RTN1: variants seen among roughly 807,000 people sequenced by gnomAD.
RTN1 encodes the protein reticulon-1.
RTN1 carries 25 observed loss-of-function variants against 65.5 expected under a neutral mutation model. The observed-to-expected ratio is 0.38, with a 90% confidence interval of 0.28 to 0.53. The LOEUF (loss-of-function observed/expected upper bound fraction) is 0.53, where lower values mean the gene tolerates loss of function less well. RTN1 is among the 20% of genes least tolerant of loss of function. RTN1 has a pLI of 0.79. For synonymous variants in RTN1, 471 were observed against 447.6 expected (o/e 1.05, Z -0.66); for missense variants, 983 against 1,025.4 (o/e 0.96, Z 0.57).
intron 1 of RTN1, among the ~76,000 whole-genome samples, chr14:59,817,123 A>G (rs1269026610): frequency 6.6e-6 from 1 of 152,078 alleles, no homozygotes; most frequent in Non-Finnish European, 1.5e-5. Context: ...CTAAGAGCCT[A>G]TGTGTGACTG....
chr14:59,666,126 A>C (rs1054853764), intron 3 of RTN1, among the ~76,000 whole-genome samples: 1 of 152,184 alleles, frequency 6.6e-6, no homozygotes, highest in African/African-American at 2.4e-5. Flanking sequence ...ACTCCAAATC[A>C]ACAGAATATA....
At chr14:59,652,303 A>G (rs1434257278) in intron 3 of RTN1, among the ~76,000 whole-genome samples, 2 of 152,216 alleles carry the variant, frequency 1.3e-5, no homozygotes, top group Non-Finnish European at 2.9e-5. Flanking sequence ...AACAACTACC[A>G]CTTGACCCAG....
chr14:59,746,955 A>G (rs1462722234), intron 1 of RTN1, among the ~76,000 whole-genome samples: 1 of 152,108 alleles, frequency 6.6e-6, no homozygotes, highest in East Asian at 1.9e-4. Flanking sequence ...GGCTGGGAGG[A>G]GCCTCAAAGA....
At chr14:59,767,064 A>T (rs1359106749) in intron 1 of RTN1, among the ~76,000 whole-genome samples, 2 of 152,210 alleles carry the variant, frequency 1.3e-5, no homozygotes, top group Non-Finnish European at 2.9e-5. Flanking sequence ...ATGCAGGCAT[A>T]GCAGAGCCTG....
chr14:59,627,840 A>T (rs1425038226), intron 3 of RTN1, among the ~76,000 whole-genome samples: 2 of 152,238 alleles, frequency 1.3e-5, no homozygotes, highest in African/African-American at 4.8e-5. Flanking sequence ...GTATTTAATA[A>T]CATGAAGAAA....
intron 2 of RTN1, among the ~76,000 whole-genome samples, chr14:59,738,464 A>T (rs1325420183): frequency 6.6e-6 from 1 of 152,208 alleles, no homozygotes; most frequent in East Asian, 1.9e-4. Context: ...ACAATCTTAC[A>T]AAATCAGAAT....
chr14:59,724,924 G>A (rs1420139624), intron 3 of RTN1, among the ~76,000 whole-genome samples: 1 of 152,182 alleles, frequency 6.6e-6, no homozygotes, highest in Admixed American at 6.5e-5. Context: ...CAGTGGAGCA[G>A]TGAGTTTCAG....
At chr14:59,721,389 A>C (rs899424826) in intron 3 of RTN1, among the ~76,000 whole-genome samples, 1 of 152,254 alleles carries the variant, frequency 6.6e-6, no homozygotes, top group African/African-American at 2.4e-5. Context: ...TCTTTAATTT[A>C]AAAGCATGAT....
intron 1 of RTN1, among the ~76,000 whole-genome samples, chr14:59,824,247 C>T (rs1030622920): frequency 2.0e-5 from 3 of 152,198 alleles, no homozygotes; most frequent in African/African-American, 7.2e-5. Context: ...TTCTAATAAA[C>T]ATAAACTTGA....
chr14:59,727,077 A>G lies in RTN1; in HGVS notation c.1607T>C (p.Leu536Pro). The part of the protein sequence containing the change: ...PSTEPQPGPE[L>P]PPGDGALEPE... ...CTCCAGGGCTCCGTCTCCAGGGGGC[A>G]GCTCGGGGCCAGGCTGGGGCTCAGT... is the stretch of plus-strand genomic sequence containing the variant. The change falls in exon 3 of 9, where the codon CTG (leucine) becomes CCG (proline). Residue 536 changes from leucine to proline, a missense_variant. By Grantham distance (98) the Leu-to-Pro change is moderately conservative. This residue lies in a region of RTN1 where 818 missense variants were observed against 801.8 expected (regional missense o/e 1.02). Coordinates refer to ENST00000267484, the MANE Select transcript of RTN1 (RefSeq NM_021136.3). This position sits in a 1 kb window ranked among gnomAD's most constrained non-coding sequence, Gnocchi z 4.2. 1.2e-6 allele frequency: 2 copies of G among 1,612,442 alleles called. No individual in the cohort carries two copies. The highest frequency in any genetic ancestry group is 1.7e-4 in the Middle Eastern group (1 of 6,060).
At chr14:59,733,616 C>A (rs987754925) in intron 2 of RTN1, among the ~76,000 whole-genome samples, 8 of 152,132 alleles carry the variant, frequency 5.3e-5, no homozygotes, top group Admixed American at 5.2e-4. Context: ...TTCCTCACCA[C>A]AACACAGCTA....
intron 3 of RTN1, among the ~76,000 whole-genome samples, chr14:59,672,625 C>CT (rs71111662): frequency 0.013 from 992 of 79,062 alleles, 150 homozygotes; most frequent in African/African-American, 0.022. Flanking sequence ...CAAGATATTT[C>CT]TTTTTTTTTT....
At chr14:59,605,638 T>G (rs1881719278) in intron 4 of RTN1, 132 bp from the exon 5 acceptor site, 1 of 869,190 alleles carries the variant, frequency 1.2e-6, no homozygotes, top group Non-Finnish European at 1.8e-6. Flanking sequence ...TGGGGGGTTA[T>G]GCCAGCCAGT....
At chr14:59,597,592 A>G (rs903094742) in intron 8 of RTN1, among the ~76,000 whole-genome samples, 3 of 152,248 alleles carry the variant, frequency 2.0e-5, no homozygotes, top group Non-Finnish European at 2.9e-5. Flanking sequence ...GCTTGCTCTC[A>G]TGGAGTTTTC....
chr14:59,677,030 G>A lies in RTN1; in HGVS notation c.1765+49889C>T, dbSNP rs145512523. 3.3e-5 allele frequency among the ~76,000 whole-genome samples: 5 copies of A among 152,262 alleles called. No homozygotes were observed. In the East Asian group the frequency reaches 5.8e-4, roughly 18 times the overall value. ...GAGCTCACCCCAAATCTCCATGTGC[G>A]CCCTGCTCCATTCCTATCGGGTGTA... On this transcript the variant is annotated intron_variant, in intron 3 of 8. Transcript: ENST00000267484.
intron 3 of RTN1, among the ~76,000 whole-genome samples, chr14:59,640,161 C>A (rs34201771): frequency 0.1 from 15,618 of 152,102 alleles, 917 homozygotes; most frequent in South Asian, 0.26. Flanking sequence ...CACCACCAAG[C>A]CCATCTGGGC....
chr14:59,719,985 G>T (rs545492579), intron 3 of RTN1, among the ~76,000 whole-genome samples: 1 of 152,232 alleles, frequency 6.6e-6, no homozygotes, highest in South Asian at 2.1e-4. Context: ...CAAGTTTAAG[G>T]TTGACTCGAT....
chr14:59,684,388 C>T (rs773117169), intron 3 of RTN1, among the ~76,000 whole-genome samples: 5 of 152,006 alleles, frequency 3.3e-5, no homozygotes, highest in Admixed American at 6.6e-5. Flanking sequence ...ATTAGGACTT[C>T]TCTACTTTAT....
intron 3 of RTN1, chr14:59,630,414 T>G (rs775165041): frequency 1.7e-5 from 27 of 1,612,672 alleles, no homozygotes; most frequent in Non-Finnish European, 1.7e-5. Context: ...CCCGTGCGCC[T>G]CAGGCATGCA....
Sources: allele counts gnomAD v4.1 joint callset (sites outside exome capture counted in the v4.1 genomes callset), GRCh38; gene constraint gnomAD v4.1.1; regional missense constraint gnomAD v4.1.1; non-coding constraint Gnocchi (gnomAD v3.1); transcripts MANE v1.5; gene names NCBI Gene and HGNC (gene_info 2026-07-23, HGNC 2026-07-21).